The following PAK3 variants were observed in gnomAD, a reference collection of about 807,000 sequenced individuals.
The protein encoded by PAK3 is serine/threonine-protein kinase PAK 3.
In PAK3, 4 loss-of-function variants were observed where a neutral mutation model predicts 41.0. The observed-to-expected ratio is 0.10, with a 90% CI of 0.05 to 0.22. PAK3 has a LOEUF of 0.22. Ranked by LOEUF, PAK3 falls within the 10% of genes least tolerant of loss-of-function variation. The pLI is 1.00. For missense variants in PAK3, 205 were observed against 409.9 expected (o/e 0.50, Z 4.32); for synonymous variants, 146 against 139.6 (o/e 1.05, Z -0.32).
intron 5 of PAK3, among the ~76,000 whole-genome samples, chrX:111,127,930 CTAAT>C (rs2093670644): frequency 8.9e-6 from 1 of 111,869 alleles, no homozygotes; most frequent in African/African-American, 3.3e-5. Context: ...AATAAACACA[CTAAT>C]AAATAAATAC....
intron 1 of PAK3, among the ~76,000 whole-genome samples, chrX:111,027,332 T>C (rs778580479): frequency 1.8e-5 from 2 of 111,538 alleles, no homozygotes; most frequent in South Asian, 7.5e-4. Context: ...TTAACTCAAC[T>C]AAAAAGCTTC....
chrX:110,978,970 G>C lies in PAK3; in HGVS notation c.-28+34342G>C, dbSNP rs566133017. Among the ~76,000 whole-genome samples, 24 of 111,171 alleles carry C rather than the reference G, an allele frequency of 2.2e-4. No individual in the cohort carries two copies. In the South Asian group the frequency reaches 9.1e-3, roughly 42 times the overall value. On this transcript the variant is annotated intron_variant, in intron 1 of 14. Transcript: ENST00000425146. ...TCTGATCTTGGAAACCTTGTTGGGG[G>C]GCTTTGAAATTACAAATTCAGTTTT...
chrX:111,130,442 A>T (rs933091323), intron 5 of PAK3, among the ~76,000 whole-genome samples: 3 of 111,927 alleles, frequency 2.7e-5, no homozygotes, highest in South Asian at 3.8e-4. Context: ...TGGGCTTAAT[A>T]TTCCACCAGA....
At chrX:111,168,119 C>G (rs2094286519) in intron 10 of PAK3, among the ~76,000 whole-genome samples, 1 of 111,534 alleles carries the variant, frequency 9.0e-6, no homozygotes, top group African/African-American at 3.3e-5. Context: ...CTTCATTATG[C>G]TAAAAGGATA....
intron 17 of PAK3, chrX:111,217,460 CT>C: frequency 1.1e-6 from 1 of 900,444 alleles, no homozygotes; most frequent in Non-Finnish European, 1.4e-6. Context: ...AGGTGCAACA[CT>C]TGGTTATACA....
chrX:111,052,419 T>G (rs1359912718), intron 1 of PAK3, among the ~76,000 whole-genome samples: 2 of 112,709 alleles, frequency 1.8e-5, no homozygotes, highest in Admixed American at 1.9e-4. Flanking sequence ...CATCCTTTAG[T>G]CCCTCTACCT....
chrX:111,114,583 G>T (rs753771000), intron 4 of PAK3, among the ~76,000 whole-genome samples: 13 of 111,564 alleles, frequency 1.2e-4, no homozygotes, highest in Non-Finnish European at 2.3e-4. Flanking sequence ...TTATGCAGCT[G>T]TGTGACCTAT....
At chrX:110,959,173 A>C (rs1433214812) in intron 1 of PAK3, among the ~76,000 whole-genome samples, 1 of 111,902 alleles carries the variant, frequency 8.9e-6, no homozygotes, top group Non-Finnish European at 1.9e-5. Context: ...TTGGCAGAGC[A>C]GAAGACTAGA....
At chrX:111,062,177 A>T (rs1187689735) in intron 1 of PAK3, among the ~76,000 whole-genome samples, 2 of 110,666 alleles carry the variant, frequency 1.8e-5, no homozygotes, top group African/African-American at 6.6e-5. Flanking sequence ...TCATTTTTAA[A>T]CCTATTTTTT....
chrX:110,994,248 C>T (rs2091701771), intron 1 of PAK3, among the ~76,000 whole-genome samples: 1 of 112,051 alleles, frequency 8.9e-6, no homozygotes, highest in Non-Finnish European at 1.9e-5. Context: ...TTGTCAATGT[C>T]CTAAATGCCA....
At chrX:111,006,508 C>T (rs1406528645) in intron 1 of PAK3, among the ~76,000 whole-genome samples, 1 of 111,480 alleles carries the variant, frequency 9.0e-6, no homozygotes, top group Non-Finnish European at 1.9e-5. Context: ...TTTTTTGGTA[C>T]TATTCTTAGA....
chrX:111,224,479 A>T lies in PAK3; in HGVS notation c.*4032A>T, dbSNP rs377007035. 1.9e-4 allele frequency: 21 copies of T among 112,243 alleles called. No individual in the cohort carries two copies. The highest frequency in any genetic ancestry group is 6.5e-4 in the African/African-American group (20 of 30,880). 9.3% of individuals were successfully genotyped at this position (112,243 alleles called of 1,213,427 possible). A position where few individuals can be genotyped will look rare whatever the true frequency, so the allele number is the denominator to read the frequency against. ...TATTACTGTATATCATTCAGGTAGG[A>T]TTCTTCTTTTAATAACCAATAGGGC... On this transcript the variant is annotated 3_prime_UTR_variant, in exon 18 of 18. Coordinates refer to ENST00000372007, the MANE Select transcript of PAK3 (RefSeq NM_002578.5).
At chrX:111,037,686 G>T (rs2092413912) in intron 1 of PAK3, among the ~76,000 whole-genome samples, 1 of 111,441 alleles carries the variant, frequency 9.0e-6, no homozygotes, top group South Asian at 3.8e-4. Context: ...AAGCATGCAT[G>T]AATCTCTCCC....
At chrX:111,219,850 T>G (rs750594933) in intron 17 of PAK3, among the ~76,000 whole-genome samples, 1 of 110,567 alleles carries the variant, frequency 9.0e-6, no homozygotes, top group South Asian at 3.9e-4. Flanking sequence ...AGAGACCCAA[T>G]ATGGTAGAAT....
chrX:111,055,224 A>T (rs1038789266), intron 1 of PAK3, among the ~76,000 whole-genome samples: 15 of 112,016 alleles, frequency 1.3e-4, no homozygotes, highest in African/African-American at 4.5e-4. Flanking sequence ...AATCCTGCAC[A>T]CCATGAGGAA....
chrX:110,985,610 T>G (rs1253243406), intron 1 of PAK3, among the ~76,000 whole-genome samples: 1 of 112,141 alleles, frequency 8.9e-6, no homozygotes, highest in African/African-American at 3.2e-5. Flanking sequence ...GGCCAGAAAA[T>G]GCAAGGTTGT....
intron 1 of PAK3, among the ~76,000 whole-genome samples, chrX:111,006,849 C>CTTTCTTTCTTTTTTTTT (rs1556434441): frequency 2.3e-5 from 1 of 42,726 alleles, no homozygotes; most frequent in Non-Finnish European, 4.4e-5. Context: ...TTCTTTCTTT[C>CTTTCTTTCTTTTTTTTT]TTTTTTTTTT....
chrX:111,163,877 A>G (rs1200982538), intron 10 of PAK3, 150 bp downstream of exon 10: 2 of 499,542 alleles, frequency 4.0e-6, no homozygotes, highest in South Asian at 2.9e-5. Context: ...GACTCACTGC[A>G]TATGCCAGAA....
rs1047326150 is a variant in PAK3, at chrX:111,184,554, C to T, written c.831-7573C>T. 4.4e-4 allele frequency among the ~76,000 whole-genome samples: 48 copies of T among 108,734 alleles called. 2 individuals carry two copies. In the Admixed American group the frequency reaches 4.7e-3, roughly 11 times the overall value. 94.4% of individuals were successfully genotyped at this position (108,734 alleles called of 115,157 possible). ...TCCTAATGCTATCCCTCCCCTAGCC[C>T]CCCATCCCCCAACAGGCCCCGGTGT... On this transcript the variant is annotated intron_variant, in intron 11 of 17. Coordinates refer to ENST00000372007, the MANE Select transcript of PAK3 (RefSeq NM_002578.5).
Sources: allele counts gnomAD v4.1 joint callset (sites outside exome capture counted in the v4.1 genomes callset), GRCh38; gene constraint gnomAD v4.1.1; transcripts MANE v1.5; gene names NCBI Gene and HGNC (gene_info 2026-07-23, HGNC 2026-07-21).